The following GAPVD1 variants were observed in gnomAD, a reference collection of about 807,000 sequenced individuals.
GAPVD1 encodes the protein GTPase-activating protein and VPS9 domain-containing protein 1.
GAPVD1 carries 35 observed loss-of-function variants against 155.5 expected under a neutral mutation model. The ratio of observed to expected loss-of-function variants is 0.23; its 90% CI spans 0.17 to 0.30. The LOEUF (loss-of-function observed/expected upper bound fraction) is 0.30, where lower values mean the gene tolerates loss of function less well. Among genes scored for constraint, GAPVD1 ranks in the 10% least tolerant of loss-of-function variants. GAPVD1 has a pLI of 1.00. For synonymous variants in GAPVD1, 636 were observed against 619.7 expected, an observed-to-expected ratio of 1.03 and a Z score of -0.39; for missense variants, 1,429 against 1,775.7, an observed-to-expected ratio of 0.80 and a Z score of 3.51.
intron 23 of GAPVD1, among the ~76,000 whole-genome samples, chr9:125,352,139 T>C (rs979884489): frequency 2.0e-5 from 3 of 152,174 alleles, no homozygotes; most frequent in African/African-American, 7.2e-5. Flanking sequence ...TTGCTGGCTT[T>C]TCTAGGTGCA....
At chr9:125,306,448 T>C (rs1006500771) in intron 6 of GAPVD1, among the ~76,000 whole-genome samples, 1 of 152,228 alleles carries the variant, frequency 6.6e-6, no homozygotes, top group Non-Finnish European at 1.5e-5. Flanking sequence ...TCAGAAATAG[T>C]AGCACAATGT....
At chr9:125,265,348 C>G (rs1024861594) in intron 1 of GAPVD1, among the ~76,000 whole-genome samples, 2 of 151,900 alleles carry the variant, frequency 1.3e-5, no homozygotes, top group South Asian at 2.1e-4. Flanking sequence ...AGTGATCCTC[C>G]TGCCTCAGCC....
chr9:125,365,981 GCTTT>G lies in GAPVD1; in HGVS notation c.*3242_*3245del, dbSNP rs759651418. ...TATATTTAAACGTGTCAAACATTTT[GCTTT>G]CTTTCTCCATTTTAGGTAAAATCTC... is the stretch of plus-strand genomic sequence containing the variant. On this transcript the variant is annotated 3_prime_UTR_variant, in exon 28 of 28. Coordinates refer to ENST00000297933, the MANE Select transcript of GAPVD1 (RefSeq NM_001282680.3). The G allele has an allele frequency of 2.0e-5, 3 of 152,168 alleles. No individual in the cohort carries two copies. The highest frequency in any genetic ancestry group is 2.4e-5 in the African/African-American group (1 of 41,448). The allele number at this position is 152,168 out of a possible 1,614,324, so 9.4% of individuals were successfully genotyped here.
chr9:125,319,760 C>A (rs555876883), intron 9 of GAPVD1, among the ~76,000 whole-genome samples: 6 of 152,134 alleles, frequency 3.9e-5, no homozygotes, highest in African/African-American at 9.6e-5. Flanking sequence ...CACCACCACA[C>A]CTGGTTGATT....
At chr9:125,281,644 C>T (rs935767859) in intron 2 of GAPVD1, among the ~76,000 whole-genome samples, 3 of 151,956 alleles carry the variant, frequency 2.0e-5, no homozygotes, top group Admixed American at 2.0e-4. Flanking sequence ...ATACTTTGTT[C>T]CAATTTCCTC....
rs1851475974 is a variant in GAPVD1 at position 125,366,479 on chromosome 9, G to A, written c.*3733G>A. ...GTAGTGGGGTTCACTTCCTCAATTG[G>A]TGCTTCCTAGATTTTTCTCTCCCAT... On this transcript the variant is annotated 3_prime_UTR_variant, in exon 28 of 28. Transcript: ENST00000297933. 6.6e-6 allele frequency: 1 copy of A among 152,250 alleles called. No individual in the cohort carries two copies. The highest frequency in any genetic ancestry group is 2.4e-5 in the African/African-American group (1 of 41,530). 9.4% of individuals were successfully genotyped at this position (152,250 alleles called of 1,614,324 possible). A position where few individuals can be genotyped will look rare whatever the true frequency, so the allele number is the denominator to read the frequency against.
In GAPVD1 at chr9:125,349,444, A is replaced by G. The variant is rs753376203; in HGVS notation, c.3224A>G (p.Gln1075Arg). 17 of 1,613,876 alleles carry G rather than the reference A, an allele frequency of 1.1e-5. No homozygotes were observed. Among genetic ancestry groups the G allele is most frequent in the Non-Finnish European group, 1.0e-5 (12 of 1,179,876 alleles). ...GATTCTCCCCGTGACGAAGCACTGCAGAACATCTCGGCTGATGATCTCCCA... is the reference window on the plus strand; with the variant it reads ...GATTCTCCCCGTGACGAAGCACTGCGGAACATCTCGGCTGATGATCTCCCA... ...AHDSPRDEAL[Q>R]NISADDLPDS... The change falls in exon 21 of 28, where the codon CAG (glutamine) becomes CGG (arginine). Residue 1075 changes from glutamine to arginine, a missense_variant. Gln to Arg is a conservative substitution (Grantham distance 43). Around this residue, in one of 4 missense-constraint regions of GAPVD1, gnomAD observed 699 missense variants for 826.0 expected, o/e 0.85. Coordinates refer to ENST00000297933, the MANE Select transcript of GAPVD1 (RefSeq NM_001282680.3).
intron 6 of GAPVD1, among the ~76,000 whole-genome samples, chr9:125,306,056 G>T (rs983852548): frequency 2.0e-5 from 3 of 152,250 alleles, no homozygotes; most frequent in Non-Finnish European, 2.9e-5. Flanking sequence ...TGATTAAGCT[G>T]TACATTCAAC....
intron 12 of GAPVD1, among the ~76,000 whole-genome samples, chr9:125,328,204 TTA>T (rs1491145591): frequency 3.0e-4 from 45 of 148,664 alleles, no homozygotes; most frequent in African/African-American, 9.2e-4. Flanking sequence ...TTTTTTTTTT[TTA>T]AATTTATTTT....
chr9:125,328,558 T>A (rs1256927783), intron 12 of GAPVD1, among the ~76,000 whole-genome samples: 1 of 145,204 alleles, frequency 6.9e-6, no homozygotes, highest in African/African-American at 2.6e-5. Context: ...AGAAGAATTT[T>A]TCTTAGTGCA....
intron 2 of GAPVD1, among the ~76,000 whole-genome samples, chr9:125,293,842 A>T (rs867927645): frequency 0.041 from 3,176 of 77,810 alleles, 255 homozygotes; most frequent in African/African-American, 0.18. Flanking sequence ...TATATATATA[A>T]AAATATATTT....
At chr9:125,321,724 G>GTT (rs1182465435) in intron 10 of GAPVD1, among the ~76,000 whole-genome samples, 162 bp downstream of exon 10, 2 of 152,194 alleles carry the variant, frequency 1.3e-5, no homozygotes, top group African/African-American at 4.8e-5. Flanking sequence ...TGTAAAGATT[G>GTT]TTTCCTGAAT....
At chr9:125,267,722 A>AT (rs200749817) in intron 1 of GAPVD1, among the ~76,000 whole-genome samples, 1,995 of 149,096 alleles carry the variant, frequency 0.013, 16 homozygotes, top group South Asian at 0.017. Flanking sequence ...TAAAAAAAGA[A>AT]TTTTTTTTTT....
intron 2 of GAPVD1, among the ~76,000 whole-genome samples, chr9:125,275,550 G>A (rs187991196): frequency 4.9e-4 from 75 of 151,926 alleles, no homozygotes; most frequent in African/African-American, 1.7e-3. Flanking sequence ...GGAGTTTGAG[G>A]CCAGCCTGGC....
chr9:125,358,872 G>A (rs1850504263), intron 25 of GAPVD1, among the ~76,000 whole-genome samples: 1 of 152,156 alleles, frequency 6.6e-6, no homozygotes, highest in Non-Finnish European at 1.5e-5. Flanking sequence ...TATAGAGGGT[G>A]GAAAGCCAAA....
At chr9:125,300,457 G>A (rs953855646) in intron 4 of GAPVD1, among the ~76,000 whole-genome samples, 12 of 151,834 alleles carry the variant, frequency 7.9e-5, no homozygotes, top group African/African-American at 2.7e-4. Context: ...GGGATTATAG[G>A]TATGAGCCAC....
At chr9:125,312,711 T>TAA in intron 9 of GAPVD1, 99 bp downstream of exon 9, 2 of 796,008 alleles carry the variant, frequency 2.5e-6, no homozygotes, top group Non-Finnish European at 3.9e-6. Context: ...AAACAACAGA[T>TAA]ATTTATTTCT....
At chr9:125,274,642 T>C (rs1268667909) in intron 2 of GAPVD1, among the ~76,000 whole-genome samples, 1 of 152,072 alleles carries the variant, frequency 6.6e-6, no homozygotes, top group African/African-American at 2.4e-5. Context: ...TTTGTATTTT[T>C]AGTAGAGACG....
At chr9:125,323,679 G>T (rs1454233262) in intron 10 of GAPVD1, 119 bp from the exon 11 acceptor site, 3 of 919,118 alleles carry the variant, frequency 3.3e-6, no homozygotes, top group East Asian at 2.6e-5. Flanking sequence ...TTTTTTTAAG[G>T]TATAAAAAGT....
Sources: allele counts gnomAD v4.1 joint callset (sites outside exome capture counted in the v4.1 genomes callset), GRCh38; gene constraint gnomAD v4.1.1; regional missense constraint gnomAD v4.1.1; transcripts MANE v1.5; gene names NCBI Gene and HGNC (gene_info 2026-07-23, HGNC 2026-07-21).